Variants in MBTD1 observed in about 807,000 individuals in gnomAD.
The protein encoded by MBTD1 is MBT domain-containing protein 1.
Under a neutral mutation model 87.8 loss-of-function variants are expected in MBTD1, and 24 were observed. The ratio of observed to expected loss-of-function variants is 0.27; its 90% CI spans 0.20 to 0.38. MBTD1 has a LOEUF of 0.38. Among genes scored for constraint, MBTD1 ranks in the 10% least tolerant of loss-of-function variants. The pLI is 1.00. For missense variants in MBTD1, 436 were observed against 760.2 expected, an observed-to-expected ratio of 0.57 and a Z score of 5.02; for synonymous variants, 237 against 248.6, an observed-to-expected ratio of 0.95 and a Z score of 0.44.
chr17:51,258,119 T>C (rs1293542721), intron 2 of MBTD1, among the ~76,000 whole-genome samples: 1 of 152,142 alleles, frequency 6.6e-6, no homozygotes, highest in East Asian at 1.9e-4. Context: ...CAACAGTCTC[T>C]AAGTTATAAG....
At chr17:51,243,214 G>A (rs973471657) in intron 2 of MBTD1, among the ~76,000 whole-genome samples, 1 of 151,918 alleles carries the variant, frequency 6.6e-6, no homozygotes, top group Non-Finnish European at 1.5e-5. Context: ...AGAGGTGCTG[G>A]GAATGTATTG....
chr17:51,260,581 A>G (rs1434992890), upstream of MBTD1: 3 of 1,611,414 alleles, frequency 1.9e-6, no homozygotes, highest in Non-Finnish European at 1.7e-6. Context: ...CCTCAAACCT[A>G]ACGATGCCGC....
At chr17:51,214,418 C>T (rs2052449628) in intron 6 of MBTD1, among the ~76,000 whole-genome samples, 1 of 152,164 alleles carries the variant, frequency 6.6e-6, no homozygotes, top group South Asian at 2.1e-4. Flanking sequence ...CTATGATCTA[C>T]TCTGTAGAAA....
intron 2 of MBTD1, among the ~76,000 whole-genome samples, chr17:51,239,201 A>C (rs1440369540): frequency 6.6e-6 from 1 of 152,194 alleles, no homozygotes; most frequent in African/African-American, 2.4e-5. Flanking sequence ...CAACTTGAAT[A>C]AAAACAGTTT....
At chr17:51,198,675 C>T (rs751688550) in intron 12 of MBTD1, among the ~76,000 whole-genome samples, 1 of 152,222 alleles carries the variant, frequency 6.6e-6, no homozygotes, top group African/African-American at 2.4e-5. Flanking sequence ...TGGGTGGGAT[C>T]TGGAACTGAA....
chr17:51,259,733 G>T, intron 1 of MBTD1, 102 bp downstream of exon 1: 1 of 1,104,052 alleles, frequency 9.1e-7, no homozygotes, highest in Non-Finnish European at 1.1e-6. Flanking sequence ...GGAGAAGCAG[G>T]CCAGGGAGCG....
chr17:51,260,729 A>G (rs1441032360), upstream of MBTD1: 3 of 1,593,158 alleles, frequency 1.9e-6, no homozygotes, highest in South Asian at 2.2e-5. Context: ...ATCCCAGCGG[A>G]AACCGCCGGC....
chr17:51,211,269 G>T (rs1393952641), intron 6 of MBTD1, among the ~76,000 whole-genome samples: 3 of 152,060 alleles, frequency 2.0e-5, no homozygotes, highest in Non-Finnish European at 4.4e-5. Flanking sequence ...AAGGTTGGGG[G>T]ATTGCTTGTA....
intron 2 of MBTD1, among the ~76,000 whole-genome samples, chr17:51,257,206 C>T (rs959040152): frequency 1.3e-5 from 2 of 152,156 alleles, no homozygotes; most frequent in African/African-American, 2.4e-5. Flanking sequence ...CTTTTATTGT[C>T]CTGATGTTTT....
At chr17:51,193,354 A>AT in intron 14 of MBTD1, 74 bp downstream of exon 14, 3 of 1,028,218 alleles carry the variant, frequency 2.9e-6, no homozygotes, top group Non-Finnish European at 4.4e-6. Context: ...AGGCAAAGAC[A>AT]TTTTTATGAA....
intron 2 of MBTD1, chr17:51,251,111 G>A (rs1467190846): frequency 6.6e-6 from 1 of 152,098 alleles, no homozygotes; most frequent in Non-Finnish European, 1.5e-5. Flanking sequence ...TTGGAGCATT[G>A]TGTCAATTTT....
intron 13 of MBTD1, 116 bp from the exon 14 acceptor site, chr17:51,193,626 T>C: frequency 3.0e-6 from 2 of 665,278 alleles, no homozygotes; most frequent in Admixed American, 2.5e-5. Context: ...TGATCAACTT[T>C]ATTTTTTTTG....
At chr17:51,237,553 G>A (rs547448512) in intron 2 of MBTD1, among the ~76,000 whole-genome samples, 67 of 152,092 alleles carry the variant, frequency 4.4e-4, no homozygotes, top group African/African-American at 1.6e-3. Context: ...TATACAGATG[G>A]CAAGTAACAA....
chr17:51,226,912 T>A (rs1005852389), intron 2 of MBTD1, among the ~76,000 whole-genome samples: 6 of 150,888 alleles, frequency 4.0e-5, no homozygotes, highest in African/African-American at 1.2e-4. Context: ...ATTACAGGTG[T>A]GAGGCACCGC....
Position 51,259,960 on chromosome 17 carries a change from G to A in MBTD1, c.-238C>T, listed in dbSNP as rs2055375268. ...CCCGGGACTGCGGCGACTACAGGGGGCCCCCGGCTGGGCCCAGACCGGTGG... is the reference window on the plus strand; with the variant it reads ...CCCGGGACTGCGGCGACTACAGGGGACCCCCGGCTGGGCCCAGACCGGTGG... On this transcript the variant is annotated 5_prime_UTR_variant, in exon 1 of 17. Coordinates refer to ENST00000586178, the MANE Select transcript of MBTD1 (RefSeq NM_017643.3). 1.8e-6 allele frequency: 2 copies of A among 1,084,536 alleles called. No individual in the cohort carries two copies. The highest frequency in any genetic ancestry group is 2.3e-6 in the Non-Finnish European group (2 of 853,678). 67.2% of individuals were successfully genotyped at this position (1,084,536 alleles called of 1,614,324 possible).
intron 2 of MBTD1, among the ~76,000 whole-genome samples, chr17:51,240,829 T>C (rs2054122048): frequency 6.6e-6 from 1 of 152,182 alleles, no homozygotes; most frequent in Non-Finnish European, 1.5e-5. Flanking sequence ...TCTGTATAGA[T>C]TTCCTCTTTT....
intron 2 of MBTD1, among the ~76,000 whole-genome samples, chr17:51,241,040 G>A (rs1165905677): frequency 6.6e-6 from 1 of 151,880 alleles, no homozygotes; most frequent in Non-Finnish European, 1.5e-5. Flanking sequence ...GTGCAGTGGC[G>A]TGATTTCGGC....
intron 2 of MBTD1, among the ~76,000 whole-genome samples, chr17:51,247,187 A>G (rs552332924): frequency 1.1e-4 from 17 of 152,280 alleles, no homozygotes; most frequent in African/African-American, 4.1e-4. Flanking sequence ...GAATTTTGTC[A>G]TAGGCTTTTT....
intron 5 of MBTD1, among the ~76,000 whole-genome samples, chr17:51,218,275 T>A (rs1418986700): frequency 6.6e-6 from 1 of 152,122 alleles, no homozygotes; most frequent in East Asian, 1.9e-4. Flanking sequence ...ACACCTGTAT[T>A]CCCAGCACTT....
Sources: gnomAD v4.1 joint callset for allele counts (sites outside exome capture counted in the v4.1 genomes callset) on GRCh38, gnomAD v4.1.1 for gene constraint, MANE v1.5 for transcripts, NCBI Gene and HGNC (gene_info 2026-07-23, HGNC 2026-07-21) for gene names.